PDSS2: variants seen among roughly 807,000 people sequenced by gnomAD.
PDSS2 encodes decaprenyl diphosphate synthase subunit 2.
Under a neutral mutation model 44.5 loss-of-function variants are expected in PDSS2, and 31 were observed. The ratio of observed to expected loss-of-function variants is 0.70; its 90% CI spans 0.52 to 0.94. The LOEUF (loss-of-function observed/expected upper bound fraction) is 0.94. Among genes scored for constraint, PDSS2 ranks in the 40% least tolerant of loss-of-function variants. The pLI, the probability that PDSS2 is intolerant of heterozygous loss-of-function variation, is 0.00. For missense variants in PDSS2, 452 were observed against 482.2 expected (o/e 0.94, Z 0.59); for synonymous variants, 157 against 180.3 (o/e 0.87, Z 1.03).
At chr6:107,374,399 G>C (rs1000934637) in intron 1 of PDSS2, among the ~76,000 whole-genome samples, 1 of 152,026 alleles carries the variant, frequency 6.6e-6, no homozygotes, top group Non-Finnish European at 1.5e-5. Context: ...TATAATTTTT[G>C]CTTTTTAAAG....
Position 107,451,378 on chromosome 6 carries a change from G to A in PDSS2, c.296+7612C>T, listed in dbSNP as rs149904289. Among the ~76,000 whole-genome samples the A allele has an allele frequency of 3.7e-3, 558 of 152,210 alleles. 13 individuals carry two copies. The highest frequency in any genetic ancestry group is 2.4e-3 in the Non-Finnish European group (162 of 68,014). On this transcript the variant is annotated intron_variant, in intron 1 of 7. Coordinates refer to ENST00000369037, the MANE Select transcript of PDSS2 (RefSeq NM_020381.4). ...TCTTGGAAGATGTCCGGGATCCAGG[G>A]TCTGAAACCCCTCGTGGCCTTTGGA...
intron 2 of PDSS2, among the ~76,000 whole-genome samples, chr6:107,299,583 C>T (rs1465366140): frequency 1.3e-5 from 2 of 152,098 alleles, no homozygotes; most frequent in Non-Finnish European, 2.9e-5. Flanking sequence ...CCCCCTTTCA[C>T]ACTCACTGCA....
At chr6:107,375,412 A>G (rs1046534134) in intron 1 of PDSS2, among the ~76,000 whole-genome samples, 1 of 152,200 alleles carries the variant, frequency 6.6e-6, no homozygotes, top group South Asian at 2.1e-4. Flanking sequence ...TGTAGACCCC[A>G]CATACTTCAA....
chr6:107,224,961 T>G (rs2114699020), intron 4 of PDSS2, among the ~76,000 whole-genome samples: 1 of 149,010 alleles, frequency 6.7e-6, no homozygotes, highest in African/African-American at 2.6e-5. Flanking sequence ...TACAGTCATA[T>G]GAAGGGGCTG....
intron 7 of PDSS2, among the ~76,000 whole-genome samples, chr6:107,184,996 G>A (rs1259135240): frequency 1.3e-5 from 2 of 151,884 alleles, no homozygotes; most frequent in Non-Finnish European, 2.9e-5. Flanking sequence ...AGAAAGACCA[G>A]TGCAGAGACA....
intron 2 of PDSS2, among the ~76,000 whole-genome samples, chr6:107,294,309 G>T (rs1364749943): frequency 6.6e-6 from 1 of 152,088 alleles, no homozygotes; most frequent in African/African-American, 2.4e-5. Context: ...AATCAACCTA[G>T]GTATCTAGAG....
rs188625263 is a variant in PDSS2 at position 107,404,214 on chromosome 6, T to A, written c.296+54776A>T. On this transcript the variant is annotated intron_variant, in intron 1 of 7. Coordinates refer to ENST00000369037, the MANE Select transcript of PDSS2 (RefSeq NM_020381.4). ...GTTCCCAACAAGTTCCTCATCTCCA[T>A]CTGAGACCATCTCAGAGTGGACTTT... Among the ~76,000 whole-genome samples the A allele has an allele frequency of 7.2e-5, 11 of 152,294 alleles. No individual in the cohort carries two copies. In the East Asian group the frequency reaches 9.7e-4, roughly 13 times the overall value.
At chr6:107,348,483 C>T (rs1001427769) in intron 1 of PDSS2, among the ~76,000 whole-genome samples, 1 of 152,104 alleles carries the variant, frequency 6.6e-6, no homozygotes, top group African/African-American at 2.4e-5. Context: ...AGGAGTGAAA[C>T]AAACAGGGTA....
chr6:107,355,081 C>T (rs1419857020), intron 1 of PDSS2, among the ~76,000 whole-genome samples: 2 of 152,050 alleles, frequency 1.3e-5, no homozygotes, highest in African/African-American at 4.8e-5. Context: ...TACAGGCATG[C>T]GCCACCACGC....
chr6:107,283,780 C>G (rs1203226508), intron 2 of PDSS2, among the ~76,000 whole-genome samples: 2 of 151,190 alleles, frequency 1.3e-5, no homozygotes, highest in African/African-American at 4.9e-5. Context: ...CGCCTGTAAT[C>G]CCAGCACTTT....
At chr6:107,423,150 T>C (rs1264758825) in intron 1 of PDSS2, among the ~76,000 whole-genome samples, 1 of 152,292 alleles carries the variant, frequency 6.6e-6, no homozygotes, top group Non-Finnish European at 1.5e-5. Flanking sequence ...ATGAAGTTGA[T>C]AATCTCTGCA....
At chr6:107,211,535 T>C (rs7772350) in intron 5 of PDSS2, among the ~76,000 whole-genome samples, 1 of 151,586 alleles carries the variant, frequency 6.6e-6, no homozygotes, top group African/African-American at 2.4e-5. Flanking sequence ...TTCGAGACCA[T>C]CCTGACCAAC....
intron 7 of PDSS2, among the ~76,000 whole-genome samples, chr6:107,163,163 T>C (rs17068024): frequency 0.032 from 4,948 of 152,316 alleles, 102 homozygotes; most frequent in Middle Eastern, 0.099. Flanking sequence ...CTCTATGAGC[T>C]TTATTCAGCC....
chr6:107,220,383 C>A (rs1159298896), intron 4 of PDSS2, among the ~76,000 whole-genome samples: 1 of 151,816 alleles, frequency 6.6e-6, no homozygotes, highest in South Asian at 2.1e-4. Flanking sequence ...GCAAAAAAAA[C>A]CCATTTATTA....
chr6:107,442,905 G>T (rs906375739), intron 1 of PDSS2, among the ~76,000 whole-genome samples: 1 of 152,160 alleles, frequency 6.6e-6, no homozygotes, highest in African/African-American at 2.4e-5. Flanking sequence ...AATTTTCAAT[G>T]TTTAAATCAT....
At chr6:107,411,704 A>T (rs541741145) in intron 1 of PDSS2, among the ~76,000 whole-genome samples, 1 of 152,144 alleles carries the variant, frequency 6.6e-6, no homozygotes, top group Non-Finnish European at 1.5e-5. Context: ...ATTAATTATT[A>T]TAAGTAATCT....
At position 107,288,418 on chromosome 6, in the gene PDSS2, G is replaced by A. The variant is rs370172873; in HGVS notation, c.432-14191C>T. On this transcript the variant is annotated intron_variant, in intron 2 of 7. Coordinates refer to ENST00000369037, the MANE Select transcript of PDSS2 (RefSeq NM_020381.4). Reference sequence around the variant, plus strand: ...TTTGTTATATGAATGAATGAATGAGGAGCACAAGTTGATTTTCGGAGAAAA... The same window carrying A: ...TTTGTTATATGAATGAATGAATGAGAAGCACAAGTTGATTTTCGGAGAAAA... Among the ~76,000 whole-genome samples the A allele has an allele frequency of 1.3e-4, 20 of 152,264 alleles. No homozygotes were observed. In the South Asian group the frequency reaches 1.5e-3, roughly 11 times the overall value.
At chr6:107,451,368 G>A (rs568739680) in intron 1 of PDSS2, among the ~76,000 whole-genome samples, 8 of 152,148 alleles carry the variant, frequency 5.3e-5, no homozygotes, top group African/African-American at 1.4e-4. Context: ...GAAGATGTCC[G>A]GGATCCAGGG....
chr6:107,222,294 T>C (rs1440463870), intron 4 of PDSS2, among the ~76,000 whole-genome samples: 1 of 152,190 alleles, frequency 6.6e-6, no homozygotes, highest in East Asian at 1.9e-4. Context: ...GCTAACTATG[T>C]GATGACACTT....
Sources: gnomAD v4.1 joint callset for allele counts (sites outside exome capture counted in the v4.1 genomes callset) on GRCh38, gnomAD v4.1.1 for gene constraint, MANE v1.5 for transcripts, NCBI Gene and HGNC (gene_info 2026-07-23, HGNC 2026-07-21) for gene names.